Variants in POU3F3 observed in about 807,000 individuals in gnomAD.
POU3F3 encodes POU class 3 homeobox 3.
In POU3F3, 1 loss-of-function variant was observed where a neutral mutation model predicts 8.6. The observed-to-expected ratio is 0.12, with a 90% CI of 0.04 to 0.55. The LOEUF (loss-of-function observed/expected upper bound fraction) is 0.55. POU3F3 is among the 20% of genes least tolerant of loss of function. The probability of loss-of-function intolerance (pLI) is 0.91; values close to 1 mark genes in which losing one functional copy is unlikely to be tolerated. For missense variants in POU3F3, 577 were observed against 690.7 expected (o/e 0.84, Z 1.84); for synonymous variants, 418 against 327.4 (o/e 1.28, Z -2.99).
At chr2:104,906,005 G>C in the POU3F3 span, among the ~76,000 whole-genome samples, 1 of 152,210 alleles carries the variant, frequency 6.6e-6, no homozygotes, top group Non-Finnish European at 1.5e-5. Context: ...ATAGATGGGA[G>C]AGTTTTTGGT....
chr2:104,919,137 C>T, the POU3F3 span, among the ~76,000 whole-genome samples: 16 of 152,190 alleles, frequency 1.1e-4, no homozygotes, highest in Non-Finnish European at 1.9e-4. Flanking sequence ...TCCCAAAGTG[C>T]TGGGATTACA....
chr2:104,912,925 C>A, the POU3F3 span, among the ~76,000 whole-genome samples: 1 of 152,234 alleles, frequency 6.6e-6, no homozygotes, highest in Non-Finnish European at 1.5e-5. Context: ...GGAATATGTT[C>A]AAGCATTACT....
chr2:104,862,152 G>C (rs949532313), downstream of POU3F3, among the ~76,000 whole-genome samples: 35 of 152,214 alleles, frequency 2.3e-4, no homozygotes, highest in Non-Finnish European at 4.3e-4. Flanking sequence ...GCGGGCGCGA[G>C]CTTGGCGAGC....
the POU3F3 span, among the ~76,000 whole-genome samples, chr2:104,879,212 A>G: frequency 1.4e-5 from 2 of 144,292 alleles, no homozygotes; most frequent in Non-Finnish European, 3.1e-5. Flanking sequence ...CCACACACAT[A>G]CAGATGGAGA....
chr2:104,877,758 AG>A, the POU3F3 span, among the ~76,000 whole-genome samples: 1 of 148,024 alleles, frequency 6.8e-6, no homozygotes, highest in Non-Finnish European at 1.5e-5. Context: ...TCCCGATTCC[AG>A]GGATTCTCCT....
the POU3F3 span, among the ~76,000 whole-genome samples, chr2:104,885,418 C>T: frequency 3.3e-5 from 5 of 152,166 alleles, no homozygotes; most frequent in Admixed American, 1.3e-4. Context: ...GAGATCAGCA[C>T]GAGGTACAAG....
At chr2:104,895,672 T>G in the POU3F3 span, among the ~76,000 whole-genome samples, 1 of 152,226 alleles carries the variant, frequency 6.6e-6, no homozygotes, top group Non-Finnish European at 1.5e-5. Flanking sequence ...TTCTGCACCC[T>G]ATTCCTGCTG....
the POU3F3 span, among the ~76,000 whole-genome samples, chr2:104,869,138 T>A: frequency 1.3e-5 from 2 of 152,232 alleles, no homozygotes; most frequent in African/African-American, 4.8e-5. Context: ...GACAAGCCCT[T>A]TTGGCCTGGG....
downstream of POU3F3, among the ~76,000 whole-genome samples, chr2:104,863,286 A>G (rs1676688774): frequency 6.6e-6 from 1 of 151,328 alleles, no homozygotes; most frequent in East Asian, 1.9e-4. Flanking sequence ...GGGGCTGGAG[A>G]AAGTCCAAGG....
downstream of POU3F3, among the ~76,000 whole-genome samples, chr2:104,858,885 A>T (rs976498069): frequency 1.3e-5 from 2 of 152,128 alleles, no homozygotes; most frequent in Non-Finnish European, 2.9e-5. Flanking sequence ...TGTGTTTCTT[A>T]TCGAAAGATT....
At chr2:104,911,101 G>A in the POU3F3 span, among the ~76,000 whole-genome samples, 6 of 152,056 alleles carry the variant, frequency 3.9e-5, no homozygotes, top group Admixed American at 2.6e-4. Flanking sequence ...AGATACTGAG[G>A]GACAACCGTA....
chr2:104,916,168 T>A, the POU3F3 span, among the ~76,000 whole-genome samples: 1 of 152,130 alleles, frequency 6.6e-6, no homozygotes, highest in African/African-American at 2.4e-5. Flanking sequence ...TAAAGATAAA[T>A]ATAACTCATT....
chr2:104,912,930 A>G, the POU3F3 span, among the ~76,000 whole-genome samples: 9 of 152,222 alleles, frequency 5.9e-5, no homozygotes, highest in Non-Finnish European at 1.2e-4. Context: ...ATGTTCAAGC[A>G]TTACTCATCT....
the POU3F3 span, among the ~76,000 whole-genome samples, chr2:104,871,435 A>T: frequency 1.3e-5 from 2 of 152,134 alleles, no homozygotes; most frequent in South Asian, 2.1e-4. Context: ...TGATTACCTC[A>T]TTTGGGTTTG....
chr2:104,926,820 G>A, the POU3F3 span, among the ~76,000 whole-genome samples: 17 of 152,206 alleles, frequency 1.1e-4, no homozygotes, highest in African/African-American at 2.6e-4. Flanking sequence ...GCTGGAAACC[G>A]TCATTCTCAG....
the POU3F3 span, among the ~76,000 whole-genome samples, chr2:104,879,150 A>T: frequency 6.6e-6 from 1 of 152,138 alleles, no homozygotes; most frequent in South Asian, 2.1e-4. Flanking sequence ...TTCAGTACAC[A>T]CACAATACAC....
chr2:104,863,902 C>A, the POU3F3 span, among the ~76,000 whole-genome samples: 3 of 152,222 alleles, frequency 2.0e-5, no homozygotes, highest in Non-Finnish European at 2.9e-5. Context: ...GCTGGGACTG[C>A]GGAGTGGAGG....
chr2:104,865,827 A>C, the POU3F3 span: 1 of 151,792 alleles, frequency 6.6e-6, no homozygotes, highest in African/African-American at 2.4e-5. Context: ...AAGGTTGAAA[A>C]CTCTCCTGCA....
At chr2:104,877,666 T>C in the POU3F3 span, among the ~76,000 whole-genome samples, 208 of 149,768 alleles carry the variant, frequency 1.4e-3, 1 homozygote, top group African/African-American at 4.6e-3. Flanking sequence ...TTTTCTTTTT[T>C]TTTTTTTTTT....
Sources: allele counts gnomAD v4.1 joint callset (sites outside exome capture counted in the v4.1 genomes callset), GRCh38; gene constraint gnomAD v4.1.1; transcripts MANE v1.5; gene names NCBI Gene and HGNC (gene_info 2026-07-23, HGNC 2026-07-21).